ADAMTS9: variants seen among roughly 807,000 people sequenced by gnomAD.
ADAMTS9 encodes the protein ADAM metallopeptidase with thrombospondin type 1 motif 9.
Under a neutral mutation model 257.1 loss-of-function variants are expected in ADAMTS9, and 107 were observed. That is an observed-to-expected ratio of 0.42 (90% confidence interval 0.36 to 0.49). The LOEUF is 0.49. ADAMTS9 is among the 20% of genes least tolerant of loss of function. The pLI is 0.03. For synonymous variants in ADAMTS9, 982 were observed against 880.9 expected (o/e 1.11, Z -2.03); for missense variants, 2,353 against 2,469.1 (o/e 0.95, Z 1.00).
At chr3:64,604,678 G>T (rs899611312) in intron 23 of ADAMTS9, among the ~76,000 whole-genome samples, 2 of 152,194 alleles carry the variant, frequency 1.3e-5, no homozygotes, top group Non-Finnish European at 2.9e-5. Context: ...AGTTGTTAAC[G>T]TTTTAAAACT....
intron 8 of ADAMTS9, among the ~76,000 whole-genome samples, chr3:64,652,918 T>G (rs1031660885): frequency 3.3e-5 from 5 of 152,176 alleles, no homozygotes; most frequent in Non-Finnish European, 7.3e-5. Context: ...ACAAACTTTG[T>G]TTCATGCATA....
intron 32 of ADAMTS9, among the ~76,000 whole-genome samples, chr3:64,544,197 A>G (rs1278043177): frequency 6.6e-6 from 1 of 152,144 alleles, no homozygotes; most frequent in Non-Finnish European, 1.5e-5. Flanking sequence ...GCCCAAGGTA[A>G]TTTAAAGATT....
chr3:64,603,917 C>T lies in ADAMTS9; in HGVS notation c.3747+5G>A, dbSNP rs369642279. On this transcript the variant is annotated splice_donor_5th_base_variant and intron_variant, in intron 25 of 39. Coordinates refer to ENST00000498707, the MANE Select transcript of ADAMTS9 (RefSeq NM_182920.2). ...CCCCTAATTCCAAATAATCCACTGGCTTACAGAGCTCCAGTCCAAGGCCTT... is the reference window on the plus strand; with the variant it reads ...CCCCTAATTCCAAATAATCCACTGGTTTACAGAGCTCCAGTCCAAGGCCTT... The T allele has an allele frequency of 1.9e-5, 30 of 1,613,718 alleles. No individual in the cohort carries two copies. Among genetic ancestry groups the T allele is most frequent in the African/African-American group, 2.7e-5 (2 of 74,900 alleles).
intron 25 of ADAMTS9, among the ~76,000 whole-genome samples, chr3:64,602,690 T>C (rs916399927): frequency 6.6e-6 from 1 of 152,214 alleles, no homozygotes. Flanking sequence ...CCCATGTGTG[T>C]CATTCCCTCA....
chr3:64,663,243 G>C (rs1419103604), intron 3 of ADAMTS9, among the ~76,000 whole-genome samples: 1 of 151,996 alleles, frequency 6.6e-6, no homozygotes, highest in Non-Finnish European at 1.5e-5. Flanking sequence ...GTTTAAATGG[G>C]TGAATAATAT....
chr3:64,528,598 G>A (rs796887468), intron 38 of ADAMTS9, among the ~76,000 whole-genome samples: 11 of 152,188 alleles, frequency 7.2e-5, no homozygotes, highest in South Asian at 2.1e-4. Flanking sequence ...GGCTAAGCCC[G>A]GGCTTACACT....
chr3:64,605,828 C>T (rs1196705957), intron 23 of ADAMTS9, among the ~76,000 whole-genome samples: 1 of 152,056 alleles, frequency 6.6e-6, no homozygotes, highest in African/African-American at 2.4e-5. Context: ...TACATATATG[C>T]TTATTTATTA....
chr3:64,633,977 T>A, intron 12 of ADAMTS9, 98 bp from the exon 13 acceptor site: 2 of 1,168,076 alleles, frequency 1.7e-6, no homozygotes, highest in Non-Finnish European at 2.4e-6. Flanking sequence ...TCTAGAGAAG[T>A]AAATCTAGGG....
Position 64,651,009 on chromosome 3 carries a change from A to G in ADAMTS9, c.1463+8T>C, listed in dbSNP as rs1445716249. 1 of 1,596,762 alleles carries G rather than the reference A, an allele frequency of 6.3e-7. No individual in the cohort carries two copies. The highest frequency in any genetic ancestry group is 8.5e-7 in the Non-Finnish European group (1 of 1,173,442). ...GAAGTTTGTGCTAAAAGAATGTTCA[A>G]GTCTTACTCTAAAAACTCAGTGATA... is the stretch of plus-strand genomic sequence containing the variant. On this transcript the variant is annotated splice_region_variant and intron_variant, in intron 9 of 39. Transcript: ENST00000498707.
intron 31 of ADAMTS9, among the ~76,000 whole-genome samples, chr3:64,547,370 G>A (rs577187889): frequency 2.6e-5 from 4 of 152,102 alleles, no homozygotes; most frequent in East Asian, 1.9e-4. Flanking sequence ...CAGCTGACCC[G>A]TGAGTCGGCA....
chr3:64,574,080 C>G (rs1464423307), intron 28 of ADAMTS9, among the ~76,000 whole-genome samples: 1 of 152,090 alleles, frequency 6.6e-6, no homozygotes, highest in East Asian at 1.9e-4. Context: ...AAACCAATGC[C>G]ATGTTTTTGT....
intron 30 of ADAMTS9, among the ~76,000 whole-genome samples, chr3:64,551,515 T>C (rs1055136097): frequency 1.3e-5 from 2 of 152,138 alleles, no homozygotes; most frequent in African/African-American, 2.4e-5. Flanking sequence ...GGCCGAGAAC[T>C]CCTCATTTTA....
intron 32 of ADAMTS9, among the ~76,000 whole-genome samples, chr3:64,544,537 G>A (rs1373627578): frequency 2.0e-5 from 3 of 152,136 alleles, no homozygotes; most frequent in African/African-American, 7.2e-5. Flanking sequence ...TTAATAAATG[G>A]TGCTGGGAAA....
intron 3 of ADAMTS9, among the ~76,000 whole-genome samples, chr3:64,661,694 G>C (rs767447514): frequency 2.0e-4 from 31 of 152,138 alleles, no homozygotes; most frequent in Admixed American, 4.6e-4. Context: ...ACAGTGCCTG[G>C]TGGATATTTT....
intron 38 of ADAMTS9, among the ~76,000 whole-genome samples, chr3:64,523,503 G>A (rs2082875929): frequency 6.6e-6 from 1 of 152,166 alleles, no homozygotes; most frequent in Non-Finnish European, 1.5e-5. Context: ...AACTGAAGTG[G>A]AATCTGCTAA....
Position 64,551,053 on chromosome 3 carries a change from T to C in ADAMTS9, c.4708A>G (p.Thr1570Ala). 1.9e-6 allele frequency: 3 copies of C among 1,614,018 alleles called. No individual in the cohort carries two copies. In the South Asian group the frequency reaches 3.3e-5, roughly 18 times the overall value. Residue 1570 changes from threonine to alanine, a missense_variant, in exon 31 of 40, where the codon ACC becomes GCC. Thr to Ala is a moderately conservative substitution (Grantham distance 58). This residue lies in a region of ADAMTS9 where 1,402 missense variants were observed against 1,441.4 expected (regional missense o/e 0.97). Transcript: ENST00000498707. ...RAEEWQECTK[T>A]CGEGSRYRKV... is the part of the protein sequence containing the mutation. The stretch of plus-strand genomic sequence containing the variant: ...CGGTACCTGGAGCCTTCGCCGCAGG[T>C]CTTGGTGCACTGTTAAATACAAGCA...
intron 3 of ADAMTS9, among the ~76,000 whole-genome samples, chr3:64,679,078 A>AT (rs937566282): frequency 2.6e-5 from 4 of 152,082 alleles, no homozygotes; most frequent in Admixed American, 6.6e-5. Context: ...CTTTTATTTT[A>AT]TTTTTTTTAA....
intron 28 of ADAMTS9, chr3:64,587,931 G>A (rs2084190025): frequency 6.6e-6 from 1 of 152,120 alleles, no homozygotes; most frequent in Non-Finnish European, 1.5e-5. Context: ...CACCTTGTGT[G>A]GAGGCCAAGG....
At chr3:64,673,022 A>G (rs577451378) in intron 3 of ADAMTS9, among the ~76,000 whole-genome samples, 10 of 152,098 alleles carry the variant, frequency 6.6e-5, no homozygotes, top group Non-Finnish European at 1.3e-4. Context: ...TAGCCTAGGA[A>G]CAATAGGCTA....
Sources: gnomAD v4.1 joint callset for allele counts (sites outside exome capture counted in the v4.1 genomes callset) on GRCh38, gnomAD v4.1.1 for gene constraint, gnomAD v4.1.1 regional missense constraint, MANE v1.5 for transcripts, NCBI Gene and HGNC (gene_info 2026-07-23, HGNC 2026-07-21) for gene names.